Variants in SPATA31G1 observed in about 807,000 individuals in gnomAD.
The protein encoded by SPATA31G1 is SPATA31 subfamily G member 1.
the SPATA31G1 span, chr9:35,044,154 GC>G: frequency 6.2e-7 from 1 of 1,614,112 alleles, no homozygotes; most frequent in Non-Finnish European, 8.5e-7. Context: ...GAACCTCTGG[GC>G]ATCTGATTCC....
chr9:35,045,004 A>G, the SPATA31G1 span: 1 of 1,614,202 alleles, frequency 6.2e-7, no homozygotes, highest in East Asian at 2.2e-5. Context: ...CTCAGGCTGA[A>G]GAAACTGCGG....
At chr9:35,044,417 C>T in the SPATA31G1 span, 1 of 1,614,102 alleles carries the variant, frequency 6.2e-7, no homozygotes, top group Non-Finnish European at 8.5e-7. Context: ...AGACAAAAAA[C>T]TCCTGGGCCT....
chr9:35,044,485 T>C, the SPATA31G1 span: 2 of 1,613,962 alleles, frequency 1.2e-6, no homozygotes, highest in South Asian at 2.2e-5. Flanking sequence ...CCTCTGGGAG[T>C]CTTGTCTGAT....
chr9:35,045,349 T>C, the SPATA31G1 span: 3 of 1,614,014 alleles, frequency 1.9e-6, no homozygotes, highest in Admixed American at 1.7e-5. Context: ...TGTGTACACA[T>C]GGAGGCTGGT....
the SPATA31G1 span, chr9:35,045,661 A>G: frequency 1.2e-6 from 2 of 1,613,986 alleles, no homozygotes. Context: ...CTTCTCCCCA[A>G]AGCTTCGGGT....
chr9:35,043,855 G>A, the SPATA31G1 span: 2 of 1,614,036 alleles, frequency 1.2e-6, no homozygotes, highest in Admixed American at 1.7e-5. Flanking sequence ...GATCCATCCA[G>A]ATATAAGCCC....
the SPATA31G1 span, chr9:35,042,673 G>C: frequency 8.6e-7 from 1 of 1,163,492 alleles, no homozygotes; most frequent in Non-Finnish European, 1.2e-6. Context: ...AGGGAATACT[G>C]ATCTCCAAAT....
At chr9:35,045,802 G>T in the SPATA31G1 span, 11 of 1,613,940 alleles carry the variant, frequency 6.8e-6, no homozygotes, top group African/African-American at 1.1e-4. Context: ...CTTACCAGGG[G>T]TTTGCAAAAG....
At chr9:35,045,091 ACTTCTGGGGACTCC>A in the SPATA31G1 span, 1 of 1,614,036 alleles carries the variant, frequency 6.2e-7, no homozygotes, top group Non-Finnish European at 8.5e-7. Flanking sequence ...ACAATTCCAG[ACTTCTGGGGACTCC>A]CTTCCTGCCC....
the SPATA31G1 span, chr9:35,042,456 T>C: frequency 2.5e-6 from 4 of 1,614,124 alleles, no homozygotes; most frequent in African/African-American, 5.3e-5. Context: ...GCTTCATCCC[T>C]GGTGCTCTGG....
At chr9:35,044,352 G>A in the SPATA31G1 span, 2 of 1,614,026 alleles carry the variant, frequency 1.2e-6, no homozygotes, top group Non-Finnish European at 1.7e-6. Context: ...GCTGCTCAGA[G>A]TTAGATCCAT....
the SPATA31G1 span, chr9:35,043,120 C>T: frequency 6.2e-7 from 1 of 1,614,218 alleles, no homozygotes; most frequent in Non-Finnish European, 8.5e-7. Flanking sequence ...GTGAGCCCTT[C>T]CAGATCCTTC....
At chr9:35,045,232 C>T in the SPATA31G1 span, 2 of 1,614,148 alleles carry the variant, frequency 1.2e-6, no homozygotes, top group East Asian at 2.2e-5. Context: ...CACTTCCAAT[C>T]CTCTTCCCAG....
the SPATA31G1 span, chr9:35,045,056 T>G: frequency 5.0e-6 from 8 of 1,614,050 alleles, no homozygotes; most frequent in Admixed American, 1.7e-5. Flanking sequence ...GTCAATCATT[T>G]TGCAGCTCCC....
the SPATA31G1 span, chr9:35,045,269 G>A: frequency 2.6e-5 from 42 of 1,614,076 alleles, 1 homozygote; most frequent in Admixed American, 1.0e-4. Flanking sequence ...CTGGCAGGGC[G>A]GAACAAGGGT....
At chr9:35,043,848 C>A in the SPATA31G1 span, 1 of 1,614,170 alleles carries the variant, frequency 6.2e-7, no homozygotes, top group Non-Finnish European at 8.5e-7. Flanking sequence ...CCTGGAAGAT[C>A]CATCCAGATA....
the SPATA31G1 span, chr9:35,045,961 C>A: frequency 7.1e-7 from 1 of 1,412,806 alleles, no homozygotes; most frequent in South Asian, 1.4e-5. Context: ...AATGGAAATT[C>A]TAATAAACTA....
chr9:35,044,488 T>C, the SPATA31G1 span: 2 of 1,614,002 alleles, frequency 1.2e-6, no homozygotes, highest in Non-Finnish European at 1.7e-6. Context: ...CTGGGAGTCT[T>C]GTCTGATTCT....
chr9:35,045,542 G>A, the SPATA31G1 span: 1 of 1,614,162 alleles, frequency 6.2e-7, no homozygotes, highest in Non-Finnish European at 8.5e-7. Context: ...TCACAGGGAA[G>A]AACCACCCTG....
Sources: gnomAD v4.1 joint callset for allele counts on GRCh38, gnomAD v4.1.1 for gene constraint, MANE v1.5 for transcripts, NCBI Gene and HGNC (gene_info 2026-07-23, HGNC 2026-07-21) for gene names.